Variants in DPYD observed in about 807,000 individuals in gnomAD.
The protein encoded by DPYD is dihydropyrimidine dehydrogenase [NADP(+)].
A neutral mutation model predicts 116.2 loss-of-function variants in DPYD; 109 were observed. The observed-to-expected ratio is 0.94, with a 90% CI of 0.80 to 1.10. DPYD has a LOEUF of 1.10. Ranked by LOEUF, DPYD falls within the 50% of genes least tolerant of loss-of-function variation. The pLI is 0.00. For synonymous variants in DPYD, 440 were observed against 432.0 expected (o/e 1.02, Z -0.23); for missense variants, 1,302 against 1,254.5 (o/e 1.04, Z -0.57).
Position 97,434,679 on chromosome 1 carries a change from A to T in DPYD, c.1905+15380T>A, listed in dbSNP as rs571990660. On this transcript the variant is annotated intron_variant, in intron 14 of 22. Coordinates refer to ENST00000370192, the MANE Select transcript of DPYD (RefSeq NM_000110.4). ...AAATCCAGGTGAAAAGGAAAAGTAA[A>T]TCATTCATAGATAATTCTAAATAAT... Among the ~76,000 whole-genome samples, 26 of 152,204 alleles carry T rather than the reference A, an allele frequency of 1.7e-4. 1 individual carries two copies. The South Asian group carries it at 5.4e-3, about 32-fold the overall frequency.
intron 1 of DPYD, among the ~76,000 whole-genome samples, chr1:97,896,167 T>C (rs560400747): frequency 6.1e-4 from 92 of 151,858 alleles, no homozygotes; most frequent in African/African-American, 2.1e-3. Flanking sequence ...TATTTAGAAA[T>C]CCTGTTCCAA....
intron 3 of DPYD, among the ~76,000 whole-genome samples, chr1:97,822,999 T>A (rs554687231): frequency 3.2e-4 from 49 of 152,322 alleles, no homozygotes; most frequent in African/African-American, 1.0e-3. Flanking sequence ...TTTTTTAAAA[T>A]AAGTTTGTTT....
intron 2 of DPYD, among the ~76,000 whole-genome samples, chr1:97,839,569 C>A (rs1186264533): frequency 4.6e-5 from 7 of 151,968 alleles, no homozygotes; most frequent in Non-Finnish European, 2.9e-5. Context: ...CTATAAAATT[C>A]CAAAAACTTC....
At chr1:97,704,409 A>G (rs941442642) in intron 5 of DPYD, among the ~76,000 whole-genome samples, 3 of 152,056 alleles carry the variant, frequency 2.0e-5, no homozygotes, top group Admixed American at 2.0e-4. Context: ...CAATGAATAG[A>G]TTGTGTAAGT....
chr1:97,321,458 A>T (rs1668261979), intron 16 of DPYD, among the ~76,000 whole-genome samples: 1 of 73,286 alleles, frequency 1.4e-5, no homozygotes, highest in East Asian at 4.5e-4. Context: ...GAAGACATTT[A>T]TGCAGCCAAA....
intron 21 of DPYD, among the ~76,000 whole-genome samples, chr1:97,086,780 A>G (rs1649550963): frequency 6.6e-6 from 1 of 152,156 alleles, no homozygotes; most frequent in African/African-American, 2.4e-5. Flanking sequence ...AAGATAAACC[A>G]TTGTAGGTCA....
Position 97,705,977 on chromosome 1 carries a change from G to GT in DPYD, c.484-6431dup, listed in dbSNP as rs965035611. 1.3e-4 allele frequency among the ~76,000 whole-genome samples: 20 copies of GT among 151,244 alleles called. No homozygotes were observed. In the South Asian group the frequency reaches 3.4e-3, roughly 25 times the overall value. On this transcript the variant is annotated intron_variant, in intron 5 of 22. Coordinates refer to ENST00000370192, the MANE Select transcript of DPYD (RefSeq NM_000110.4). ...ATATCCTTCGCCCACTTTTTGATGG[G>GT]TTTTTTTTCTTGTAAATTTGTTTTT...
At chr1:97,158,472 GAC>G (rs58771302) in intron 20 of DPYD, among the ~76,000 whole-genome samples, 5,083 of 111,928 alleles carry the variant, frequency 0.045, 149 homozygotes, top group Admixed American at 0.11. Context: ...TAACTCACCA[GAC>G]ACACACACAC....
At chr1:97,161,993 C>T (rs902998756) in intron 20 of DPYD, among the ~76,000 whole-genome samples, 9 of 151,850 alleles carry the variant, frequency 5.9e-5, no homozygotes, top group African/African-American at 2.2e-4. Flanking sequence ...TGGGTTGGTT[C>T]CAAGTCTTTG....
chr1:97,542,785 TTGAA>T (rs914123051), intron 12 of DPYD, among the ~76,000 whole-genome samples: 3 of 147,906 alleles, frequency 2.0e-5, no homozygotes, highest in Non-Finnish European at 3.0e-5. Context: ...AATGCATCTT[TTGAA>T]TGAATGAATT....
intron 13 of DPYD, among the ~76,000 whole-genome samples, chr1:97,470,457 T>G (rs1677581725): frequency 6.6e-6 from 1 of 152,122 alleles, no homozygotes; most frequent in Non-Finnish European, 1.5e-5. Context: ...TTATTATGAT[T>G]TCGTGGTCTT....
At chr1:97,522,809 T>A (rs1648781597) in intron 12 of DPYD, among the ~76,000 whole-genome samples, 2 of 152,168 alleles carry the variant, frequency 1.3e-5, no homozygotes, top group African/African-American at 4.8e-5. Context: ...CCTTTTCACA[T>A]GGCATTCCTC....
chr1:97,242,695 G>GCAT (rs1414225159), intron 18 of DPYD, among the ~76,000 whole-genome samples: 3 of 151,568 alleles, frequency 2.0e-5, no homozygotes, highest in Non-Finnish European at 4.4e-5. Context: ...ACGAGAATAA[G>GCAT]CATCATCAGT....
At chr1:97,245,317 T>C (rs1662645191) in intron 18 of DPYD, among the ~76,000 whole-genome samples, 1 of 152,154 alleles carries the variant, frequency 6.6e-6, no homozygotes, top group African/African-American at 2.4e-5. Flanking sequence ...CGGGTTTGAA[T>C]GTGAGGACTT....
At position 97,348,175 on chromosome 1, in the gene DPYD, T is replaced by C. The variant is rs143336118; in HGVS notation, c.2058+25386A>G. ...AAATTAAATGCCCGATTAACAAACA[T>C]AATGTCCTCTTTAATAATTCTCAGC... On this transcript the variant is annotated intron_variant, in intron 16 of 22. Coordinates refer to ENST00000370192, the MANE Select transcript of DPYD (RefSeq NM_000110.4). 1.4e-4 allele frequency among the ~76,000 whole-genome samples: 22 copies of C among 152,268 alleles called. No individual in the cohort carries two copies. In the Middle Eastern group the frequency reaches 0.01, roughly 71 times the overall value.
rs780298959 is a variant in DPYD at position 97,134,989 on chromosome 1, AT to A, written c.2623-36358del. Among the ~76,000 whole-genome samples the A allele has an allele frequency of 6.6e-4, 72 of 109,586 alleles. 1 individual carries two copies. The highest frequency in any genetic ancestry group is 5.4e-4 in the Non-Finnish European group (28 of 51,720). The allele number at this position is 109,586 out of a possible 152,430, so 71.9% of individuals were successfully genotyped here. On this transcript the variant is annotated intron_variant, in intron 20 of 22. Coordinates refer to ENST00000370192, the MANE Select transcript of DPYD (RefSeq NM_000110.4). The stretch of plus-strand genomic sequence containing the variant: ...TCCAGGTGGGGTCTTATATATATAT[AT>A]TTTTTTTATTTAAAAAGTGTTTTGG...
chr1:97,620,579 A>G (rs1656575834), intron 8 of DPYD, among the ~76,000 whole-genome samples: 1 of 152,192 alleles, frequency 6.6e-6, no homozygotes, highest in Admixed American at 6.6e-5. Flanking sequence ...TCTTAAAATT[A>G]ACTTTTTAAA....
intron 14 of DPYD, among the ~76,000 whole-genome samples, chr1:97,447,420 C>T (rs904378185): frequency 6.6e-6 from 1 of 152,126 alleles, no homozygotes; most frequent in Admixed American, 6.5e-5. Context: ...ATGGCAATAT[C>T]GAGGTGCACA....
intron 3 of DPYD, among the ~76,000 whole-genome samples, chr1:97,779,099 C>T (rs1666584399): frequency 6.6e-6 from 1 of 152,008 alleles, no homozygotes; most frequent in Admixed American, 6.6e-5. Flanking sequence ...GAGAGAAAAA[C>T]ACTACATTTA....
Sources: allele counts gnomAD v4.1 joint callset (sites outside exome capture counted in the v4.1 genomes callset), GRCh38; gene constraint gnomAD v4.1.1; transcripts MANE v1.5; gene names NCBI Gene and HGNC (gene_info 2026-07-23, HGNC 2026-07-21).